Variants in HYDIN observed in about 807,000 individuals in gnomAD.
The protein encoded by HYDIN is HYDIN axonemal central pair apparatus protein, also known as axonemal central pair apparatus protein HYDIN.
In HYDIN, 132 loss-of-function variants were observed where a neutral mutation model predicts 403.9. The ratio of observed to expected loss-of-function variants is 0.33; its 90% confidence interval spans 0.28 to 0.38. HYDIN has a LOEUF of 0.38. Ranked by LOEUF, HYDIN falls within the 10% of genes least tolerant of loss-of-function variation. HYDIN has a pLI of 1.00. For missense variants in HYDIN, 2,827 were observed against 5,009.5 expected (o/e 0.56, Z 13.15); for synonymous variants, 1,202 against 1,891.7 (o/e 0.64, Z 9.46).
chr16:70,940,528 T>C (rs1056038312), intron 43 of HYDIN, among the ~76,000 whole-genome samples: 4 of 151,710 alleles, frequency 2.6e-5, no homozygotes, highest in African/African-American at 7.3e-5. Flanking sequence ...TTTAGATGAT[T>C]TAGGGGAGAG....
chr16:70,964,991 T>A (rs2078530083), intron 36 of HYDIN, 95 bp from the exon 37 acceptor site: 3 of 677,494 alleles, frequency 4.4e-6, no homozygotes, highest in Non-Finnish European at 7.7e-6. Flanking sequence ...AAACTCCTGC[T>A]CCTGCCTGAG....
intron 5 of HYDIN, 130 bp downstream of exon 5, chr16:71,175,477 T>C (rs1476970298): frequency 1.0e-6 from 1 of 973,196 alleles, no homozygotes; most frequent in Non-Finnish European, 1.5e-6. Flanking sequence ...CAAATGTCAA[T>C]ACCAAGACCA....
intron 45 of HYDIN, among the ~76,000 whole-genome samples, chr16:70,927,942 C>T (rs1464136369): frequency 6.7e-6 from 1 of 150,060 alleles, no homozygotes; most frequent in East Asian, 1.9e-4. Flanking sequence ...GCCAAAGAAC[C>T]TGTACCTAAA....
intron 62 of HYDIN, among the ~76,000 whole-genome samples, chr16:70,878,222 C>A (rs979230641): frequency 3.3e-5 from 5 of 150,862 alleles, no homozygotes; most frequent in Non-Finnish European, 7.4e-5. Flanking sequence ...CTCTTGCCTG[C>A]CACCACGTAA....
At chr16:71,169,114 A>C (rs1213786562) in intron 5 of HYDIN, among the ~76,000 whole-genome samples, 2 of 152,232 alleles carry the variant, frequency 1.3e-5, no homozygotes, top group African/African-American at 4.8e-5. Context: ...CCAAGTGTCC[A>C]TCAATGGATG....
intron 46 of HYDIN, 23 bp downstream of exon 46, chr16:70,920,568 C>T (rs1360200901): frequency 6.4e-7 from 1 of 1,569,576 alleles, no homozygotes; most frequent in Admixed American, 1.8e-5. Flanking sequence ...TGAGACTTCC[C>T]CACCCTGGAG....
At chr16:70,956,733 G>C (rs2078251503) in intron 39 of HYDIN, among the ~76,000 whole-genome samples, 1 of 152,154 alleles carries the variant, frequency 6.6e-6, no homozygotes, top group South Asian at 2.1e-4. Flanking sequence ...TTGTCCCCCA[G>C]ATCCTCCAAG....
intron 23 of HYDIN, among the ~76,000 whole-genome samples, chr16:70,995,728 A>T (rs1473025372): frequency 6.6e-6 from 1 of 152,150 alleles, no homozygotes; most frequent in African/African-American, 2.4e-5. Context: ...TTGTGGGAAA[A>T]GGTGGCAGGG....
chr16:70,967,067 C>T (rs1470641794), intron 36 of HYDIN, among the ~76,000 whole-genome samples: 3 of 151,722 alleles, frequency 2.0e-5, no homozygotes, highest in Admixed American at 1.3e-4. Flanking sequence ...AGATTACTAG[C>T]TAATTTTAAT....
rs746310702 is a variant in HYDIN at position 71,069,292 on chromosome 16, C to T, written c.1949G>A (p.Arg650His). ...CCTGATAGCAGCAAATCCCTGGGGGCGAATGGTGCCACAGTCAGGAGAGAT... is the reference window on the plus strand; with the variant it reads ...CCTGATAGCAGCAAATCCCTGGGGGTGAATGGTGCCACAGTCAGGAGAGAT... ...FTISPDCGTIRPQGFAAIRVT... is the reference protein window; with the variant it reads ...FTISPDCGTIHPQGFAAIRVT... Residue 650 changes from arginine to histidine, a missense_variant, in exon 14 of 86, where the codon CGC (arginine) becomes CAC (histidine). Physicochemically the swap from Arg to His is conservative, Grantham distance 29. Coordinates refer to ENST00000393567, the MANE Select transcript of HYDIN (RefSeq NM_001270974.2). The T allele has an allele frequency of 1.5e-5, 24 of 1,613,126 alleles. No individual in the cohort carries two copies. The highest frequency in any genetic ancestry group is 6.7e-5 in the African/African-American group (5 of 74,440).
At chr16:70,909,720 G>C (rs2076639649) in intron 47 of HYDIN, among the ~76,000 whole-genome samples, 1 of 122,636 alleles carries the variant, frequency 8.2e-6, no homozygotes, top group Non-Finnish European at 1.6e-5. Context: ...TTTTGAGATA[G>C]AGTCTCGCTT....
intron 18 of HYDIN, among the ~76,000 whole-genome samples, chr16:71,040,231 T>C (rs2081241023): frequency 6.6e-6 from 1 of 151,862 alleles, no homozygotes; most frequent in Non-Finnish European, 1.5e-5. Flanking sequence ...CCTCATTCGC[T>C]TGCGTGCTCC....
chr16:71,175,777 G>C (rs767561472), intron 4 of HYDIN, 36 bp from the exon 5 acceptor site: 16 of 1,611,302 alleles, frequency 9.9e-6, no homozygotes, highest in Admixed American at 1.7e-5. Context: ...CATCGTGCAT[G>C]TGAAAAAGCA....
Position 70,991,792 on chromosome 16 carries a change from A to G in HYDIN, c.3785+278T>C, listed in dbSNP as rs2079361388. Among the ~76,000 whole-genome samples the G allele has an allele frequency of 3.3e-5, 5 of 151,768 alleles. No individual in the cohort carries two copies. In the South Asian group the frequency reaches 1.0e-3, roughly 32 times the overall value. On this transcript the variant is annotated intron_variant, in intron 24 of 85. Transcript: ENST00000393567. ...GACATAATGTTTGGTGAATTGATAT[A>G]TCCTTTCCTGCTTGCTACCCTGGAC...
At position 70,848,664 on chromosome 16, in the gene HYDIN, G is replaced by T. The variant is rs542683379; in HGVS notation, c.12873+1062C>A. On this transcript the variant is annotated intron_variant, in intron 75 of 85. Coordinates refer to ENST00000393567, the MANE Select transcript of HYDIN (RefSeq NM_001270974.2). ...CCCAGCTTTTGCTGAGGGGCTGTGT[G>T]TGTGTGGCAGGACATGCCTTTGACA... Among the ~76,000 whole-genome samples, 863 of 104,886 alleles carry T rather than the reference G, an allele frequency of 8.2e-3. 7 individuals are homozygous for T. Among genetic ancestry groups the T allele is most frequent in the Admixed American group, 0.014 (125 of 9,140 alleles). The allele number at this position is 104,886 out of a possible 152,430, so 68.8% of individuals were successfully genotyped here. A position where few individuals can be genotyped will look rare whatever the true frequency, so the allele number is the denominator to read the frequency against.
intron 23 of HYDIN, among the ~76,000 whole-genome samples, chr16:71,003,899 T>A (rs2079804901): frequency 6.6e-6 from 1 of 152,094 alleles, no homozygotes; most frequent in African/African-American, 2.4e-5. Flanking sequence ...TTGATTATTT[T>A]GCGTTTTCCA....
intron 18 of HYDIN, among the ~76,000 whole-genome samples, chr16:71,037,146 G>C (rs1262796104): frequency 2.0e-5 from 3 of 151,172 alleles, no homozygotes; most frequent in Non-Finnish European, 4.4e-5. Flanking sequence ...CTCATCCGTA[G>C]CTCAGGATAT....
intron 2 of HYDIN, among the ~76,000 whole-genome samples, 180 bp from the exon 3 acceptor site, chr16:71,185,170 C>G (rs1180142462): frequency 6.6e-6 from 1 of 152,082 alleles, no homozygotes. Context: ...TACCCACGCA[C>G]TTTTGAGGTC....
At chr16:70,894,342 G>C in intron 55 of HYDIN, 107 bp downstream of exon 55, 1 of 1,515,444 alleles carries the variant, frequency 6.6e-7, no homozygotes, top group Non-Finnish European at 8.9e-7. Flanking sequence ...GGACTTGACG[G>C]CCGCAAACCC....
Sources: allele counts gnomAD v4.1 joint callset (sites outside exome capture counted in the v4.1 genomes callset), GRCh38; gene constraint gnomAD v4.1.1; transcripts MANE v1.5; gene names NCBI Gene and HGNC (gene_info 2026-07-23, HGNC 2026-07-21).